The following CCSER1 variants were observed in gnomAD, a reference collection of about 807,000 sequenced individuals.
The protein encoded by CCSER1 is coiled-coil serine rich protein 1.
In CCSER1, 41 loss-of-function variants were observed where a neutral mutation model predicts 82.0. The observed-to-expected ratio is 0.50, with a 90% CI of 0.39 to 0.65. The LOEUF (loss-of-function observed/expected upper bound fraction) is 0.65, where lower values mean the gene tolerates loss of function less well. Among genes scored for constraint, CCSER1 ranks in the 30% least tolerant of loss-of-function variants. The pLI is 0.00. For missense variants in CCSER1, 1,119 were observed against 1,064.2 expected (o/e 1.05, Z -0.72); for synonymous variants, 414 against 383.9 (o/e 1.08, Z -0.92).
intron 10 of CCSER1, among the ~76,000 whole-genome samples, chr4:91,188,483 A>G (rs1219644122): frequency 1.3e-5 from 2 of 152,236 alleles, no homozygotes; most frequent in African/African-American, 4.8e-5. Context: ...GAGGGCAAAT[A>G]TGATAAAGTT....
At chr4:90,928,539 GC>G (rs1349547385) in intron 9 of CCSER1, among the ~76,000 whole-genome samples, 6 of 152,008 alleles carry the variant, frequency 3.9e-5, no homozygotes, top group African/African-American at 1.4e-4. Flanking sequence ...AAGTAAATAA[GC>G]AAATTATATA....
chr4:90,422,333 C>T (rs1392661448), intron 4 of CCSER1, among the ~76,000 whole-genome samples: 1 of 152,196 alleles, frequency 6.6e-6, no homozygotes, highest in Admixed American at 6.5e-5. Context: ...GAACCAGACA[C>T]ATGATCCTCC....
chr4:90,287,086 A>G (rs1348772976), intron 1 of CCSER1, among the ~76,000 whole-genome samples: 2 of 151,770 alleles, frequency 1.3e-5, no homozygotes, highest in Non-Finnish European at 2.9e-5. Flanking sequence ...TGACTGCTTT[A>G]CTTTTTTCCA....
rs372151972 is a variant in CCSER1 at position 90,303,987 on chromosome 4, C to T, written c.-41-4257C>T. ...CCAAACAACCCCATCAAAAAGTGGG[C>T]GAAGGACATGAACAGACACTTCTCG... is the stretch of plus-strand genomic sequence containing the variant. On this transcript the variant is annotated intron_variant, in intron 1 of 10. Coordinates refer to ENST00000509176, the MANE Select transcript of CCSER1 (RefSeq NM_001145065.2). Among the ~76,000 whole-genome samples the T allele has an allele frequency of 2.4e-4, 37 of 151,868 alleles. 1 individual carries two copies. The highest frequency in any genetic ancestry group is 4.8e-4 in the African/African-American group (20 of 41,370).
intron 10 of CCSER1, among the ~76,000 whole-genome samples, chr4:91,118,175 TA>T (rs536719918): frequency 1.3e-5 from 2 of 152,060 alleles, no homozygotes; most frequent in Non-Finnish European, 2.9e-5. Flanking sequence ...ATGAGTGCTC[TA>T]AAAACAGAAG....
intron 10 of CCSER1, among the ~76,000 whole-genome samples, chr4:91,296,449 TTATATATATATATATATGTA>T (rs1170012124): frequency 1.1e-5 from 1 of 94,116 alleles, no homozygotes; most frequent in Non-Finnish European, 2.0e-5. Flanking sequence ...GTGTCTAACA[TTATATATATATATATATGTA>T]TATATATATA....
intron 7 of CCSER1, among the ~76,000 whole-genome samples, chr4:90,804,086 A>C (rs1757188611): frequency 6.6e-6 from 1 of 151,936 alleles, no homozygotes; most frequent in Non-Finnish European, 1.5e-5. Context: ...AAATTTGTTT[A>C]AGTTTTTTGT....
At chr4:90,575,365 G>A (rs1313617854) in intron 5 of CCSER1, among the ~76,000 whole-genome samples, 1 of 152,138 alleles carries the variant, frequency 6.6e-6, no homozygotes, top group African/African-American at 2.4e-5. Flanking sequence ...AAGGAAGGGA[G>A]GCTAAACTCA....
intron 4 of CCSER1, among the ~76,000 whole-genome samples, chr4:90,403,226 G>A (rs1457010217): frequency 6.6e-5 from 10 of 152,122 alleles, no homozygotes; most frequent in South Asian, 4.2e-4. Context: ...TAGGCCGGGC[G>A]CGGTGGCTCA....
At chr4:90,805,038 T>C (rs1191256481) in intron 7 of CCSER1, among the ~76,000 whole-genome samples, 1 of 151,918 alleles carries the variant, frequency 6.6e-6, no homozygotes, top group Non-Finnish European at 1.5e-5. Flanking sequence ...ACTGTATGCA[T>C]TTTTACACAA....
chr4:91,484,138 T>A (rs538738393), intron 10 of CCSER1, among the ~76,000 whole-genome samples: 5 of 152,248 alleles, frequency 3.3e-5, no homozygotes, highest in African/African-American at 9.6e-5. Context: ...TTTTAAATTT[T>A]TTTTGAAACC....
At chr4:90,832,143 T>C (rs1303552422) in intron 8 of CCSER1, among the ~76,000 whole-genome samples, 1 of 152,118 alleles carries the variant, frequency 6.6e-6, no homozygotes, top group Non-Finnish European at 1.5e-5. Context: ...TTATCTTTTA[T>C]CATTTGTCTA....
chr4:90,812,200 T>G (rs1758441540), intron 7 of CCSER1, among the ~76,000 whole-genome samples: 1 of 152,126 alleles, frequency 6.6e-6, no homozygotes, highest in African/African-American at 2.4e-5. Flanking sequence ...CACATTTTTC[T>G]GCCTGCTTAT....
chr4:91,410,455 T>C (rs1311670537), intron 10 of CCSER1, among the ~76,000 whole-genome samples: 2 of 152,190 alleles, frequency 1.3e-5, no homozygotes, highest in Admixed American at 6.5e-5. Context: ...CCTTGAAACA[T>C]TTGAATGAAC....
At chr4:90,852,332 A>G (rs1389741752) in intron 8 of CCSER1, among the ~76,000 whole-genome samples, 6 of 152,352 alleles carry the variant, frequency 3.9e-5, no homozygotes, top group East Asian at 1.9e-4. Context: ...CTTGCTGGAA[A>G]TCTACACTGT....
In CCSER1 at chr4:90,629,898, T is replaced by C. The variant is rs566216431; in HGVS notation, c.1932+1666T>C. Among the ~76,000 whole-genome samples the C allele has an allele frequency of 1.7e-3, 261 of 152,276 alleles. 2 individuals carry two copies. Among genetic ancestry groups the C allele is most frequent in the African/African-American group, 6.0e-3 (251 of 41,554 alleles). The stretch of plus-strand genomic sequence containing the variant: ...ATGTGTTTTCTATTTGTTTTACTAT[T>C]ATCTACACTTGTGAGATTATTTACA... On this transcript the variant is annotated intron_variant, in intron 6 of 10. Coordinates refer to ENST00000509176, the MANE Select transcript of CCSER1 (RefSeq NM_001145065.2).
At chr4:91,354,231 G>A (rs1748669802) in intron 10 of CCSER1, among the ~76,000 whole-genome samples, 3 of 152,186 alleles carry the variant, frequency 2.0e-5, no homozygotes, top group Admixed American at 1.3e-4. Context: ...AATATTGTAT[G>A]ATTTTTTCAG....
intron 1 of CCSER1, among the ~76,000 whole-genome samples, chr4:90,300,158 C>T (rs994460753): frequency 6.6e-6 from 1 of 151,986 alleles, no homozygotes; most frequent in South Asian, 2.1e-4. Context: ...TTTTCAAATG[C>T]CAATAAAAAT....
At chr4:91,556,339 C>CT (rs143649369) in intron 10 of CCSER1, among the ~76,000 whole-genome samples, 6,631 of 150,674 alleles carry the variant, frequency 0.044, 382 homozygotes, top group African/African-American at 0.12. Context: ...CTCTAACCTT[C>CT]TTTTTTTTAA....
Sources: gnomAD v4.1 joint callset for allele counts (sites outside exome capture counted in the v4.1 genomes callset) on GRCh38, gnomAD v4.1.1 for gene constraint, MANE v1.5 for transcripts, NCBI Gene and HGNC (gene_info 2026-07-23, HGNC 2026-07-21) for gene names.